The following TMEM132D variants were observed in gnomAD, a reference collection of about 807,000 sequenced individuals.
TMEM132D encodes mature OL transmembrane protein.
A neutral mutation model predicts 62.3 loss-of-function variants in TMEM132D; 21 were observed. The ratio of observed to expected loss-of-function variants is 0.34; its 90% CI spans 0.24 to 0.49. The LOEUF is 0.49. Ranked by LOEUF, TMEM132D falls within the 20% of genes least tolerant of loss-of-function variation. The pLI, the probability that TMEM132D is intolerant of heterozygous loss-of-function variation, is 0.99. For missense variants in TMEM132D, 1,346 were observed against 1,402.8 expected (o/e 0.96, Z 0.65); for synonymous variants, 621 against 575.6 (o/e 1.08, Z -1.13).
chr12:129,821,928 T>C (rs986079363), intron 1 of TMEM132D, among the ~76,000 whole-genome samples: 1 of 152,176 alleles, frequency 6.6e-6, no homozygotes, highest in South Asian at 2.1e-4. Flanking sequence ...ACAGGTTTCC[T>C]TTGTTGAAGA....
chr12:129,813,631 T>TATATATATATATATATATATATA (rs36010730), intron 1 of TMEM132D, among the ~76,000 whole-genome samples: 18 of 144,020 alleles, frequency 1.2e-4, no homozygotes, highest in East Asian at 4.3e-4. Flanking sequence ...TATATATATA[T>TATATATATATATATATATATATA]TTTCAGGACT....
intron 2 of TMEM132D, among the ~76,000 whole-genome samples, chr12:129,638,861 C>T (rs1316681963): frequency 6.6e-6 from 1 of 152,074 alleles, no homozygotes; most frequent in Admixed American, 6.6e-5. Flanking sequence ...GGCCACATTG[C>T]TTTCCCACTT....
chr12:129,420,668 C>CTGA (rs992149275), intron 3 of TMEM132D, among the ~76,000 whole-genome samples: 11 of 152,150 alleles, frequency 7.2e-5, no homozygotes, highest in African/African-American at 2.4e-4. Flanking sequence ...GCCCAACCAA[C>CTGA]GCTCAGCAAG....
chr12:129,449,273 A>G (rs1873197195), intron 3 of TMEM132D, among the ~76,000 whole-genome samples: 1 of 152,248 alleles, frequency 6.6e-6, no homozygotes, highest in Non-Finnish European at 1.5e-5. Context: ...ATGAAAATAA[A>G]TCAACTTCTT....
chr12:129,331,461 C>T (rs536110465), intron 4 of TMEM132D, among the ~76,000 whole-genome samples: 2 of 152,142 alleles, frequency 1.3e-5, no homozygotes, highest in Non-Finnish European at 2.9e-5. Flanking sequence ...TCTCAAGTTT[C>T]AGATCCATTC....
Position 129,867,836 on chromosome 12 carries a change from A to T in TMEM132D, c.79+35425T>A, listed in dbSNP as rs138495860. On this transcript the variant is annotated intron_variant, in intron 1 of 8. Transcript: ENST00000422113. The surrounding 1 kb of genome is among the most constrained non-coding windows in gnomAD (Gnocchi z 4.5). ...CTAACCTAGTGAAAAACAACAGTTG[A>T]CAGGGGCCAGAGATGGGTTGGGGTT... Among the ~76,000 whole-genome samples, 4 of 152,354 alleles carry T rather than the reference A, an allele frequency of 2.6e-5. No homozygotes were observed. Among genetic ancestry groups the T allele is most frequent in the African/African-American group, 9.6e-5 (4 of 41,586 alleles).
chr12:129,707,469 A>G (rs1296437280), intron 1 of TMEM132D, among the ~76,000 whole-genome samples: 4 of 152,110 alleles, frequency 2.6e-5, no homozygotes, highest in Admixed American at 1.3e-4. Flanking sequence ...TGAAATTCTA[A>G]AAGACACACA....
intron 2 of TMEM132D, among the ~76,000 whole-genome samples, chr12:129,543,965 A>G (rs889992511): frequency 3.3e-5 from 5 of 152,216 alleles, no homozygotes; most frequent in Non-Finnish European, 7.3e-5. Context: ...TGTCCACACA[A>G]CACTGCACAC....
chr12:129,511,101 A>C (rs1038884636), intron 3 of TMEM132D, among the ~76,000 whole-genome samples: 3 of 152,190 alleles, frequency 2.0e-5, no homozygotes, highest in Admixed American at 6.5e-5. Context: ...TGATAAATGT[A>C]TATAGTCATG....
At chr12:129,200,976 A>G (rs1193925552) in intron 5 of TMEM132D, among the ~76,000 whole-genome samples, 1 of 152,144 alleles carries the variant, frequency 6.6e-6, no homozygotes, top group Non-Finnish European at 1.5e-5. Context: ...ACCTTAGGAG[A>G]ATGTGTCAAG....
At chr12:129,151,507 C>T (rs1877070481) in intron 5 of TMEM132D, among the ~76,000 whole-genome samples, 1 of 152,212 alleles carries the variant, frequency 6.6e-6, no homozygotes, top group African/African-American at 2.4e-5. Flanking sequence ...TTCCAACCTG[C>T]CATCGTCATG....
chr12:129,363,721 G>A (rs2135675900), intron 3 of TMEM132D, among the ~76,000 whole-genome samples: 1 of 152,336 alleles, frequency 6.6e-6, no homozygotes, highest in Admixed American at 6.5e-5. Flanking sequence ...CTCAAGGTCT[G>A]AGGTTGAAGA....
chr12:129,300,519 A>G (rs1881688171), intron 4 of TMEM132D, among the ~76,000 whole-genome samples: 1 of 152,210 alleles, frequency 6.6e-6, no homozygotes, highest in Admixed American at 6.5e-5. Flanking sequence ...GGCTTGAAAC[A>G]ACAAATTACT....
chr12:129,165,135 G>A (rs1434143366), intron 5 of TMEM132D, among the ~76,000 whole-genome samples: 3 of 152,198 alleles, frequency 2.0e-5, no homozygotes, highest in Non-Finnish European at 4.4e-5. Flanking sequence ...CGAATGATCT[G>A]ATTTATATGA....
At chr12:129,853,481 T>G (rs1015496013) in intron 1 of TMEM132D, 1 of 152,234 alleles carries the variant, frequency 6.6e-6, no homozygotes, top group African/African-American at 2.4e-5. Context: ...CAAGCCTTCC[T>G]GCTTGCCTGT....
chr12:129,088,100 CG>C (rs1358968798), intron 5 of TMEM132D, among the ~76,000 whole-genome samples: 3 of 60,722 alleles, frequency 4.9e-5, no homozygotes, highest in Non-Finnish European at 5.8e-5. Flanking sequence ...CCTCCCTGAC[CG>C]GGGTGTCCTC....
At chr12:129,463,765 G>A (rs997298579) in intron 3 of TMEM132D, among the ~76,000 whole-genome samples, 1 of 152,118 alleles carries the variant, frequency 6.6e-6, no homozygotes, top group Admixed American at 6.5e-5. Flanking sequence ...GAGAATGATG[G>A]TTTCCAGCTT....
intron 4 of TMEM132D, among the ~76,000 whole-genome samples, chr12:129,257,785 A>T (rs1321863733): frequency 1.3e-5 from 2 of 152,282 alleles, no homozygotes; most frequent in Admixed American, 1.3e-4. Flanking sequence ...GACCTACAGA[A>T]GGCATCCCAA....
Position 129,615,282 on chromosome 12 carries a change from G to A in TMEM132D, c.969-84077C>T, listed in dbSNP as rs1308881510. On this transcript the variant is annotated intron_variant, in intron 2 of 8. Coordinates refer to ENST00000422113, the MANE Select transcript of TMEM132D (RefSeq NM_133448.3). ...CTCTAGGCAGACTCTGGAGTCCACA[G>A]CAACCTCATCATCAGGGATGAATCT... Among the ~76,000 whole-genome samples, 5 of 152,102 alleles carry A rather than the reference G, an allele frequency of 3.3e-5. No homozygotes were observed. In the East Asian group the frequency reaches 9.7e-4, roughly 29 times the overall value.
Sources: allele counts gnomAD v4.1 joint callset (sites outside exome capture counted in the v4.1 genomes callset), GRCh38; gene constraint gnomAD v4.1.1; non-coding constraint Gnocchi (gnomAD v3.1); transcripts MANE v1.5; gene names NCBI Gene and HGNC (gene_info 2026-07-23, HGNC 2026-07-21).